The following PLD3 variants were observed in gnomAD, a reference collection of about 807,000 sequenced individuals.
The protein encoded by PLD3 is 5'-3' exonuclease PLD3.
A neutral mutation model predicts 58.4 loss-of-function variants in PLD3; 31 were observed. The ratio of observed to expected loss-of-function variants is 0.53; its 90% CI spans 0.40 to 0.72. PLD3 has a LOEUF of 0.72. Ranked by LOEUF, PLD3 falls within the 30% of genes least tolerant of loss-of-function variation. The pLI is 0.00. For synonymous variants in PLD3, 264 were observed against 273.4 expected (o/e 0.97, Z 0.34); for missense variants, 595 against 659.8 (o/e 0.90, Z 1.08).
chr19:40,357,142 CAATT>C (rs2078674280), intron 1 of PLD3: 2 of 152,258 alleles, frequency 1.3e-5, no homozygotes, highest in African/African-American at 2.4e-5. Context: ...AGGTCAGAAA[CAATT>C]GATGGTTTAG....
intron 1 of PLD3, among the ~76,000 whole-genome samples, chr19:40,354,988 A>G (rs1013337198): frequency 6.6e-6 from 1 of 150,638 alleles, no homozygotes; most frequent in African/African-American, 2.4e-5. Flanking sequence ...ATAGATGCAC[A>G]CCACCACGCC....
At chr19:40,370,720 C>T (rs1568673878) in intron 8 of PLD3, 1 of 154,126 alleles carries the variant, frequency 6.5e-6, no homozygotes, top group Non-Finnish European at 1.4e-5. Flanking sequence ...TCCCCCTGCT[C>T]CTGGAAGCCT....
intron 1 of PLD3, among the ~76,000 whole-genome samples, chr19:40,354,118 G>A (rs1477854987): frequency 6.9e-6 from 1 of 144,352 alleles, no homozygotes; most frequent in Non-Finnish European, 1.5e-5. Context: ...CTGTTGCCCA[G>A]GCTGGAGTGC....
At chr19:40,367,023 A>G in intron 5 of PLD3, 108 bp downstream of exon 5, 2 of 1,310,698 alleles carry the variant, frequency 1.5e-6, no homozygotes, top group African/African-American at 3.0e-5. Flanking sequence ...GCTTGCGACA[A>G]GTGAGGAGGT....
chr19:40,357,920 T>C (rs1266960868), intron 1 of PLD3: 1 of 152,148 alleles, frequency 6.6e-6, no homozygotes, highest in Non-Finnish European at 1.5e-5. Context: ...GTATTATTAA[T>C]CTCCACATTG....
At chr19:40,376,416 G>T in intron 10 of PLD3, 193 bp from the exon 11 acceptor site, 1 of 553,948 alleles carries the variant, frequency 1.8e-6, no homozygotes, top group Non-Finnish European at 3.2e-6. Context: ...GCAGGAATGG[G>T]AGCCACAGCC....
At chr19:40,376,383 A>T (rs1055915464) in intron 10 of PLD3, 6 of 486,604 alleles carry the variant, frequency 1.2e-5, no homozygotes, top group Admixed American at 1.1e-4. Context: ...ATAAAAGAGG[A>T]TGACAACACT....
chr19:40,370,110 G>C lies in PLD3; in HGVS notation c.551G>C (p.Gly184Ala), dbSNP rs1162513453. The C allele has an allele frequency of 6.2e-7, 1 of 1,609,054 alleles. No individual in the cohort carries two copies. The highest frequency in any genetic ancestry group is 8.5e-7 in the Non-Finnish European group (1 of 1,177,878). The change falls in exon 8 of 13, where the codon GGT becomes GCT. Residue 184 changes from glycine (G) to alanine (A), a missense_variant and splice_region_variant. By Grantham distance (60) the Gly-to-Ala change is moderately conservative. Coordinates refer to ENST00000409735, the MANE Select transcript of PLD3 (RefSeq NM_012268.4). ...QADLQALLQS[G>A]AQVRMVDMQK... ...TGATCTCTGCCCCTGCTGGTCACAGGTGCCCAGGTCCGCATGGTGGACATG... is the reference window on the plus strand; with the variant it reads ...TGATCTCTGCCCCTGCTGGTCACAGCTGCCCAGGTCCGCATGGTGGACATG...
intron 9 of PLD3, among the ~76,000 whole-genome samples, chr19:40,372,153 A>T (rs116033877): frequency 4.7e-4 from 71 of 152,226 alleles, no homozygotes; most frequent in African/African-American, 1.7e-3. Flanking sequence ...CATCCAGTAT[A>T]GCCACAGGTG....
At chr19:40,352,912 G>A (rs528719023) in intron 1 of PLD3, among the ~76,000 whole-genome samples, 3 of 152,252 alleles carry the variant, frequency 2.0e-5, no homozygotes, top group East Asian at 3.9e-4. Context: ...GCAGTGAGAT[G>A]TGTTCCCACC....
rs1342470590 is a variant in PLD3 at position 40,371,696 on chromosome 19, G to A, written c.702G>A (p.Met234Ile). 1 of 1,613,776 alleles carries A rather than the reference G, an allele frequency of 6.2e-7. No individual in the cohort carries two copies. The highest frequency in any genetic ancestry group is 1.7e-5 in the Admixed American group (1 of 60,006). Residue 234 changes from methionine (M) to isoleucine (I), a missense_variant, in exon 9 of 13, where the codon ATG (methionine) becomes ATA (isoleucine). Physicochemically the swap from Met to Ile is conservative, Grantham distance 10. Transcript: ENST00000409735. The part of the protein sequence containing the change: ...LTQVKELGVV[M>I]YNCSCLARDL... Reference sequence around the variant, plus strand: ...AGGTCAAGGAGCTGGGCGTGGTCATGTACAACTGCAGCTGCCTGGCTCGAG... The same window carrying A: ...AGGTCAAGGAGCTGGGCGTGGTCATATACAACTGCAGCTGCCTGGCTCGAG...
chr19:40,371,225 G>C (rs1460854426), intron 8 of PLD3, among the ~76,000 whole-genome samples: 1 of 152,078 alleles, frequency 6.6e-6, no homozygotes, highest in East Asian at 1.9e-4. Context: ...ATTATGCAGG[G>C]AGATGCTGTA....
chr19:40,375,915 C>T (rs995881990), intron 10 of PLD3, among the ~76,000 whole-genome samples: 8 of 151,136 alleles, frequency 5.3e-5, no homozygotes, highest in East Asian at 2.0e-4. Flanking sequence ...TAGCCCAGTG[C>T]GGTGGCACTC....
intron 1 of PLD3, among the ~76,000 whole-genome samples, chr19:40,351,520 G>A (rs2078515229): frequency 6.6e-6 from 1 of 152,192 alleles, no homozygotes; most frequent in Admixed American, 6.5e-5. Context: ...ACTCCAGCCT[G>A]GGCGACAGCG....
chr19:40,375,674 A>G (rs1156553802), intron 10 of PLD3, among the ~76,000 whole-genome samples: 2 of 151,260 alleles, frequency 1.3e-5, no homozygotes, highest in Non-Finnish European at 3.0e-5. Context: ...GAAAAGAAAA[A>G]AAAAAAGAAG....
Position 40,363,483 on chromosome 19 carries a change from T to G in PLD3, c.-278-2235T>G, listed in dbSNP as rs553411671. 2.0e-5 allele frequency among the ~76,000 whole-genome samples: 3 copies of G among 152,290 alleles called. No homozygotes were observed. In the South Asian group the frequency reaches 6.2e-4, roughly 32 times the overall value. ...CGCTCTGTTTTAACCCAGGCTGGAG[T>G]GCAGTGGCGCAATCTCAGCTCACTG... On this transcript the variant is annotated intron_variant, in intron 1 of 12. Coordinates refer to ENST00000409735, the MANE Select transcript of PLD3 (RefSeq NM_012268.4).
At chr19:40,371,106 G>A (rs998594107) in intron 8 of PLD3, among the ~76,000 whole-genome samples, 8 of 152,222 alleles carry the variant, frequency 5.3e-5, no homozygotes, top group South Asian at 2.1e-4. Flanking sequence ...AGGAATTAGC[G>A]CAAGATGGAA....
chr19:40,355,293 A>AT (rs1043105295), intron 1 of PLD3, among the ~76,000 whole-genome samples: 4 of 149,318 alleles, frequency 2.7e-5, no homozygotes, highest in African/African-American at 7.4e-5. Context: ...CTTTAAGAAG[A>AT]TTTTTTTTCC....
At chr19:40,362,806 A>G (rs192600665) in intron 1 of PLD3, among the ~76,000 whole-genome samples, 3 of 152,338 alleles carry the variant, frequency 2.0e-5, no homozygotes, top group Non-Finnish European at 2.9e-5. Context: ...TAAAACATCA[A>G]AAGTTAAAAT....
Sources: allele counts gnomAD v4.1 joint callset (sites outside exome capture counted in the v4.1 genomes callset), GRCh38; gene constraint gnomAD v4.1.1; transcripts MANE v1.5; gene names NCBI Gene and HGNC (gene_info 2026-07-23, HGNC 2026-07-21).